LY96: variants seen among roughly 807,000 people sequenced by gnomAD.
LY96 encodes the protein myeloid differentiation protein-2.
A neutral mutation model predicts 18.9 loss-of-function variants in LY96; 18 were observed. The ratio of observed to expected loss-of-function variants is 0.95; its 90% CI spans 0.66 to 1.41. The LOEUF (loss-of-function observed/expected upper bound fraction) is 1.41. Ranked by LOEUF, LY96 falls within the 40% of genes most tolerant of loss-of-function variation. LY96 has a pLI of 0.00. For synonymous variants in LY96, 66 were observed against 62.6 expected, an observed-to-expected ratio of 1.06 and a Z score of -0.26; for missense variants, 175 against 182.4, an observed-to-expected ratio of 0.96 and a Z score of 0.23.
chr8:74,099,279 TG>T, the LY96 span: 2 of 152,232 alleles, frequency 1.3e-5, no homozygotes, highest in African/African-American at 4.8e-5. Context: ...TATGGGAGGT[TG>T]GACACATCTT....
At chr8:74,026,737 AT>A (rs1394232823) in intron 3 of LY96, 51 bp from the exon 4 acceptor site, 5 of 1,044,758 alleles carry the variant, frequency 4.8e-6, no homozygotes, top group Admixed American at 3.5e-5. Flanking sequence ...CAAGAAAAAA[AT>A]ATCACCTAAC....
At chr8:74,090,332 C>T in the LY96 span, among the ~76,000 whole-genome samples, 14 of 152,226 alleles carry the variant, frequency 9.2e-5, no homozygotes, top group African/African-American at 3.1e-4. Flanking sequence ...CTGGCATATA[C>T]AGGTGCTTAG....
chr8:74,061,359 T>C, the LY96 span, among the ~76,000 whole-genome samples: 1 of 152,220 alleles, frequency 6.6e-6, no homozygotes. Context: ...ACAAGATGAC[T>C]GTCTGCTTTG....
At position 73,992,836 on chromosome 8, in the gene LY96, CTGTGTGTGTGTGTGTGTGTG is replaced by C. The variant is rs34327741; in HGVS notation, c.112+1303_112+1322del. ...TTTGTACCATGTGCTAATTATGCCA[CTGTGTGTGTGTGTGTGTGTG>C]TGTGTGTGTGTGTGTGTGTGACAGA... is the stretch of plus-strand genomic sequence containing the variant. On this transcript the variant is annotated intron_variant, in intron 1 of 4. Transcript: ENST00000284818. Among the ~76,000 whole-genome samples the C allele has an allele frequency of 6.4e-3, 904 of 141,880 alleles. 10 individuals carry two copies. The highest frequency in any genetic ancestry group is 0.022 in the African/African-American group (826 of 37,458). 93.1% of individuals were successfully genotyped at this position (141,880 alleles called of 152,430 possible).
chr8:74,055,586 G>T, the LY96 span, among the ~76,000 whole-genome samples: 1 of 152,118 alleles, frequency 6.6e-6, no homozygotes, highest in South Asian at 2.1e-4. Flanking sequence ...CACATCCTAA[G>T]CCTAGAGTCT....
chr8:74,045,758 G>GA, the LY96 span, among the ~76,000 whole-genome samples: 1 of 152,118 alleles, frequency 6.6e-6, no homozygotes, highest in Non-Finnish European at 1.5e-5. Flanking sequence ...AGCAAAAAGC[G>GA]AAGACCGCCC....
chr8:74,026,435 C>T (rs1816873020), intron 3 of LY96, among the ~76,000 whole-genome samples: 1 of 152,166 alleles, frequency 6.6e-6, no homozygotes, highest in African/African-American at 2.4e-5. Flanking sequence ...TCTATTATAC[C>T]CAGCTTAATG....
chr8:74,091,803 C>T, the LY96 span, among the ~76,000 whole-genome samples: 1 of 152,174 alleles, frequency 6.6e-6, no homozygotes, highest in Admixed American at 6.5e-5. Flanking sequence ...AGTATGTCCC[C>T]ATTTCTTTGA....
the LY96 span, among the ~76,000 whole-genome samples, chr8:74,066,142 C>T: frequency 5.9e-5 from 9 of 152,078 alleles, no homozygotes; most frequent in Non-Finnish European, 1.3e-4. Context: ...AATGCACCAG[C>T]AGATTCAGTT....
At chr8:74,076,626 G>A in the LY96 span, among the ~76,000 whole-genome samples, 3 of 152,154 alleles carry the variant, frequency 2.0e-5, no homozygotes, top group East Asian at 1.9e-4. Context: ...CGCCCACCCC[G>A]AGATACTTTT....
At chr8:74,054,063 T>C in the LY96 span, among the ~76,000 whole-genome samples, 2 of 152,236 alleles carry the variant, frequency 1.3e-5, no homozygotes, top group Non-Finnish European at 2.9e-5. Flanking sequence ...GGTCTTGTTC[T>C]GTCATCCAGG....
At chr8:74,097,795 T>C in the LY96 span, among the ~76,000 whole-genome samples, 1 of 152,140 alleles carries the variant, frequency 6.6e-6, no homozygotes, top group Admixed American at 6.5e-5. Context: ...CAAAGTGTGG[T>C]CTTCAGACCA....
the LY96 span, among the ~76,000 whole-genome samples, chr8:74,067,808 T>G: frequency 2.0e-5 from 3 of 151,910 alleles, no homozygotes; most frequent in African/African-American, 7.3e-5. Flanking sequence ...ACGCCTATAA[T>G]CCAGCACTTT....
chr8:74,044,241 G>A, the LY96 span, among the ~76,000 whole-genome samples: 2 of 151,154 alleles, frequency 1.3e-5, no homozygotes, highest in African/African-American at 4.9e-5. Context: ...GAGTGCAGTG[G>A]CACAATTATA....
At chr8:73,991,703 G>T in intron 1 of LY96, 149 bp downstream of exon 1, 1 of 619,114 alleles carries the variant, frequency 1.6e-6, no homozygotes, top group Non-Finnish European at 3.0e-6. Context: ...AAAAGCAATA[G>T]CTGGCAGCTG....
At chr8:74,081,000 TTCTTTC>T in the LY96 span, among the ~76,000 whole-genome samples, 1 of 115,686 alleles carries the variant, frequency 8.6e-6, no homozygotes, top group South Asian at 2.6e-4. Flanking sequence ...CTTTCTTTCT[TTCTTTC>T]TTTCTTTCTT....
At chr8:74,034,792 G>A in the LY96 span, among the ~76,000 whole-genome samples, 10 of 152,254 alleles carry the variant, frequency 6.6e-5, no homozygotes, top group African/African-American at 2.4e-4. Flanking sequence ...CCCGGGGACT[G>A]TCACAGAAGG....
chr8:74,041,709 C>G, the LY96 span, among the ~76,000 whole-genome samples: 32 of 152,198 alleles, frequency 2.1e-4, no homozygotes, highest in East Asian at 1.2e-3. Context: ...TGGGGAAACC[C>G]CCCCCACCAC....
the LY96 span, among the ~76,000 whole-genome samples, chr8:74,064,282 A>G: frequency 6.6e-6 from 1 of 152,188 alleles, no homozygotes; most frequent in South Asian, 2.1e-4. Context: ...AAACCTATAT[A>G]TGTAATATAG....
Sources: gnomAD v4.1 joint callset for allele counts (sites outside exome capture counted in the v4.1 genomes callset) on GRCh38, gnomAD v4.1.1 for gene constraint, MANE v1.5 for transcripts, NCBI Gene and HGNC (gene_info 2026-07-23, HGNC 2026-07-21) for gene names.